Variants in LEF1 observed in about 807,000 individuals in gnomAD.
The protein encoded by LEF1 is lymphoid enhancer-binding factor 1.
Under a neutral mutation model 51.2 loss-of-function variants are expected in LEF1, and 14 were observed. The observed-to-expected ratio is 0.27, with a 90% confidence interval of 0.18 to 0.43. The LOEUF is 0.43. Ranked by LOEUF, LEF1 falls within the 20% of genes least tolerant of loss-of-function variation. The probability of loss-of-function intolerance (pLI) is 1.00; values close to 1 mark genes in which losing one functional copy is unlikely to be tolerated. For missense variants in LEF1, 386 were observed against 512.0 expected, an observed-to-expected ratio of 0.75 and a Z score of 2.37; for synonymous variants, 185 against 183.2, an observed-to-expected ratio of 1.01 and a Z score of -0.08.
At chr4:108,087,585 A>C (rs1443791511) in intron 4 of LEF1, among the ~76,000 whole-genome samples, 1 of 152,222 alleles carries the variant, frequency 6.6e-6, no homozygotes, top group Non-Finnish European at 1.5e-5. Context: ...ATTATTCTTG[A>C]GAGAAAAACT....
rs570406358 is a variant in LEF1, at chr4:108,121,761, A to T, written c.415-32504T>A. Among the ~76,000 whole-genome samples the T allele has an allele frequency of 1.1e-4, 16 of 152,274 alleles. No homozygotes were observed. The East Asian group carries it at 3.1e-3, about 29-fold the overall frequency. ...CTTCATGCCTCATTCATTCTCTTTGATCCACCACATTTTTACTGCACCTTT... is the reference window on the plus strand; with the variant it reads ...CTTCATGCCTCATTCATTCTCTTTGTTCCACCACATTTTTACTGCACCTTT... On this transcript the variant is annotated intron_variant, in intron 3 of 11. Coordinates refer to ENST00000265165, the MANE Select transcript of LEF1 (RefSeq NM_016269.5).
chr4:108,061,013 G>T (rs1048691398), intron 11 of LEF1, among the ~76,000 whole-genome samples: 1 of 152,170 alleles, frequency 6.6e-6, no homozygotes, highest in African/African-American at 2.4e-5. Flanking sequence ...TATGAAGGTG[G>T]ATCTGAGCTC....
Position 108,083,402 on chromosome 4 carries a change from G to T in LEF1, c.592C>A (p.Pro198Thr). The T allele has an allele frequency of 6.2e-7, 1 of 1,613,818 alleles. No individual in the cohort carries two copies. Residue 198 changes from proline to threonine, a missense_variant, in exon 5 of 12, where the codon CCC becomes ACC. Physicochemically the swap from Pro to Thr is conservative, Grantham distance 38. This residue lies in a region of LEF1 where 335 missense variants were observed against 390.7 expected (regional missense o/e 0.86). Coordinates refer to ENST00000265165, the MANE Select transcript of LEF1 (RefSeq NM_016269.5). ...TGTCCAACACCACCCGGAGACAAGGGATAAAAAGTAGGGATATCAGGAGCT... is the reference window on the plus strand; with the variant it reads ...TGTCCAACACCACCCGGAGACAAGGTATAAAAAGTAGGGATATCAGGAGCT... ...PPAPDIPTFY[P>T]LSPGGVGQIT... is the part of the protein sequence containing the mutation.
rs977513445 is a variant in LEF1 at position 108,166,459 on chromosome 4, T to C, written c.213+1096A>G. On this transcript the variant is annotated intron_variant, in intron 1 of 11. Coordinates refer to ENST00000265165, the MANE Select transcript of LEF1 (RefSeq NM_016269.5). The stretch of plus-strand genomic sequence containing the variant: ...AGGCGTTGGTTAAATCATTCGGGTG[T>C]CAGGACTTTTCTACCGGATTTCCTC... 2.9e-6 allele frequency: 4 copies of C among 1,394,790 alleles called. No homozygotes were observed. In the African/African-American group the frequency reaches 5.9e-5, roughly 20 times the overall value. 86.4% of individuals were successfully genotyped at this position (1,394,790 alleles called of 1,614,324 possible). A position where few individuals can be genotyped will look rare whatever the true frequency, so the allele number is the denominator to read the frequency against.
chr4:108,096,891 C>T (rs1208959332), intron 3 of LEF1, among the ~76,000 whole-genome samples: 2 of 152,142 alleles, frequency 1.3e-5, no homozygotes, highest in Non-Finnish European at 2.9e-5. Context: ...TACCACGTGA[C>T]ATCATCTCAC....
intron 5 of LEF1, among the ~76,000 whole-genome samples, chr4:108,082,321 GTCACTAAGT>G (rs1320677923): frequency 1.3e-5 from 2 of 152,080 alleles, no homozygotes; most frequent in East Asian, 3.9e-4. Context: ...TTGCCCCTAA[GTCACTAAGT>G]TCAGACAGAA....
rs187791754 is a variant in LEF1 at position 108,084,155 on chromosome 4, T to C, written c.548-709A>G. On this transcript the variant is annotated intron_variant, in intron 4 of 11. Coordinates refer to ENST00000265165, the MANE Select transcript of LEF1 (RefSeq NM_016269.5). ...GTAACTGTGAAAACCACCTAAAGAT[T>C]ATATGTAATCCCAGTCCCAAGTGAC... is the stretch of plus-strand genomic sequence containing the variant. Among the ~76,000 whole-genome samples the C allele has an allele frequency of 1.3e-3, 204 of 152,266 alleles. 2 individuals carry two copies. The highest frequency in any genetic ancestry group is 4.6e-3 in the African/African-American group (191 of 41,552).
intron 3 of LEF1, among the ~76,000 whole-genome samples, chr4:108,122,975 G>A (rs182877608): frequency 6.6e-6 from 1 of 152,288 alleles, no homozygotes; most frequent in African/African-American, 2.4e-5. Context: ...AAAGATTTTT[G>A]TCTGACTCAA....
intron 11 of LEF1, among the ~76,000 whole-genome samples, chr4:108,052,607 G>A (rs1317337857): frequency 6.6e-6 from 1 of 152,290 alleles, no homozygotes; most frequent in Admixed American, 6.5e-5. Flanking sequence ...AGGAAGAGAG[G>A]TACAGACTTC....
At chr4:108,150,157 G>T (rs1394389037) in intron 3 of LEF1, among the ~76,000 whole-genome samples, 1 of 152,092 alleles carries the variant, frequency 6.6e-6, no homozygotes, top group Non-Finnish European at 1.5e-5. Context: ...ACCACTAACT[G>T]CTCCTAAAAA....
At chr4:108,077,233 G>A (rs1477912552) in intron 8 of LEF1, among the ~76,000 whole-genome samples, 2 of 152,100 alleles carry the variant, frequency 1.3e-5, no homozygotes, top group African/African-American at 2.4e-5. Flanking sequence ...AGCAAGTGAG[G>A]AGCCCCTCTG....
chr4:108,167,603 A>G lies in LEF1; in HGVS notation c.165T>C (p.Ser55=), dbSNP rs1745496730. ...EEEGDLADIK[S]SLVNESEIIP... is the part of the protein sequence containing the mutation. ...TGATTTCAGACTCGTTCACCAAGGA[A>G]GACTTGATGTCAGCTAAATCGCCTT... Residue 55 remains serine (S), a synonymous_variant, in exon 1 of 12, where the codon TCT becomes TCC. Transcript: ENST00000265165. The surrounding 1 kb of genome is among the most constrained non-coding windows in gnomAD (Gnocchi z 5.7). The G allele has an allele frequency of 2.5e-6, 4 of 1,614,062 alleles. No individual in the cohort carries two copies. Among genetic ancestry groups the G allele is most frequent in the African/African-American group, 1.3e-5 (1 of 74,930 alleles).
chr4:108,160,521 A>G (rs1052344142), intron 3 of LEF1, among the ~76,000 whole-genome samples: 3 of 152,174 alleles, frequency 2.0e-5, no homozygotes, highest in Non-Finnish European at 2.9e-5. Flanking sequence ...TATCTGAACT[A>G]AGAATTCTTA....
chr4:108,061,631 A>G (rs1379416883), intron 11 of LEF1, among the ~76,000 whole-genome samples: 1 of 84,868 alleles, frequency 1.2e-5, no homozygotes, highest in Non-Finnish European at 2.7e-5. Context: ...AATTAAAACA[A>G]TTTTTTTTTT....
At chr4:108,158,435 A>AGC (rs1316830826) in intron 3 of LEF1, among the ~76,000 whole-genome samples, 4 of 151,672 alleles carry the variant, frequency 2.6e-5, no homozygotes, top group East Asian at 3.9e-4. Flanking sequence ...AGAGAGAGAG[A>AGC]GCGCGCAACC....
intron 9 of LEF1, among the ~76,000 whole-genome samples, chr4:108,066,271 G>A (rs1056367974): frequency 6.6e-6 from 1 of 152,216 alleles, no homozygotes; most frequent in Admixed American, 6.5e-5. Context: ...GCAAGGTTCA[G>A]AAGTTGCTAC....
intron 11 of LEF1, among the ~76,000 whole-genome samples, chr4:108,048,992 T>C (rs1471691471): frequency 4.6e-5 from 7 of 152,120 alleles, no homozygotes; most frequent in Admixed American, 2.0e-4. Flanking sequence ...AGTTATGATG[T>C]GAAGTGTAGT....
intron 1 of LEF1, chr4:108,166,195 A>C: frequency 6.9e-7 from 1 of 1,459,260 alleles, no homozygotes; most frequent in Non-Finnish European, 9.1e-7. Flanking sequence ...CAGCCCGCTC[A>C]AACTGGATTC....
At chr4:108,151,182 C>T (rs1181116619) in intron 3 of LEF1, among the ~76,000 whole-genome samples, 2 of 126,624 alleles carry the variant, frequency 1.6e-5, no homozygotes, top group Non-Finnish European at 3.4e-5. Flanking sequence ...TGTCCTCTCA[C>T]CATCAGGCTA....
Sources: gnomAD v4.1 joint callset for allele counts (sites outside exome capture counted in the v4.1 genomes callset) on GRCh38, gnomAD v4.1.1 for gene constraint, gnomAD v4.1.1 regional missense constraint, Gnocchi (gnomAD v3.1) non-coding constraint, MANE v1.5 for transcripts, NCBI Gene and HGNC (gene_info 2026-07-23, HGNC 2026-07-21) for gene names.